PAM: variants seen among roughly 807,000 people sequenced by gnomAD.
PAM encodes the protein peptidyl-glycine alpha-amidating monooxygenase.
In PAM, 72 loss-of-function variants were observed where a neutral mutation model predicts 122.1. That is an observed-to-expected ratio of 0.59 (90% CI 0.49 to 0.72). The LOEUF is 0.72. Ranked by LOEUF, PAM falls within the 30% of genes least tolerant of loss-of-function variation. The probability of loss-of-function intolerance (pLI) is 0.00; values close to 1 mark genes in which losing one functional copy is unlikely to be tolerated. For missense variants in PAM, 1,106 were observed against 1,183.7 expected, an observed-to-expected ratio of 0.93 and a Z score of 0.96; for synonymous variants, 389 against 404.4, an observed-to-expected ratio of 0.96 and a Z score of 0.46.
intron 8 of PAM, among the ~76,000 whole-genome samples, chr5:102,947,262 A>AT (rs1757357147): frequency 6.6e-6 from 1 of 152,174 alleles, no homozygotes. Flanking sequence ...AGCTCATGAT[A>AT]TGGCACCTGG....
intron 15 of PAM, among the ~76,000 whole-genome samples, chr5:102,979,422 G>A (rs539703305): frequency 6.6e-6 from 1 of 152,156 alleles, no homozygotes; most frequent in South Asian, 2.1e-4. Context: ...TGGCATTTCT[G>A]ATGAATAACA....
intron 21 of PAM, among the ~76,000 whole-genome samples, chr5:103,016,228 T>C (rs1781946070): frequency 6.6e-6 from 1 of 152,212 alleles, no homozygotes; most frequent in Non-Finnish European, 1.5e-5. Flanking sequence ...TGTGATAAAC[T>C]TGATGATTTC....
At chr5:102,779,880 CATATACATATATATATATATAT>C (rs1488301348) in intron 1 of PAM, among the ~76,000 whole-genome samples, 5 of 69,312 alleles carry the variant, frequency 7.2e-5, no homozygotes, top group African/African-American at 3.6e-4. Context: ...AATAAACTCC[CATATACATATATATATATATAT>C]ATATATATAT....
intron 1 of PAM, among the ~76,000 whole-genome samples, chr5:102,782,932 C>G (rs1459919825): frequency 1.3e-5 from 2 of 151,504 alleles, no homozygotes; most frequent in Non-Finnish European, 2.9e-5. Context: ...AATGGCCTTT[C>G]ATTTTCAAGT....
chr5:102,823,650 A>G (rs1463020515), intron 1 of PAM, among the ~76,000 whole-genome samples: 6 of 152,206 alleles, frequency 3.9e-5, no homozygotes, highest in Admixed American at 3.3e-4. Context: ...AGAGTTATGG[A>G]CCTTCTTTTA....
chr5:102,882,032 T>G (rs988128551), intron 3 of PAM, among the ~76,000 whole-genome samples: 1 of 131,740 alleles, frequency 7.6e-6, no homozygotes, highest in Non-Finnish European at 1.6e-5. Context: ...TTTTTGTGGC[T>G]GAGTAGTATT....
intron 3 of PAM, among the ~76,000 whole-genome samples, chr5:102,888,446 C>A (rs1379623788): frequency 1.3e-5 from 2 of 151,980 alleles, no homozygotes; most frequent in Non-Finnish European, 2.9e-5. Flanking sequence ...TAATTTAAAT[C>A]AAATTAATAT....
intron 1 of PAM, among the ~76,000 whole-genome samples, chr5:102,802,149 T>C (rs1206842578): frequency 6.6e-6 from 1 of 152,192 alleles, no homozygotes; most frequent in Non-Finnish European, 1.5e-5. Flanking sequence ...AACTAGCTTC[T>C]TTAGAAAAAG....
At chr5:103,005,291 G>A (rs1347719995) in intron 18 of PAM, 65 bp downstream of exon 18, 4 of 880,814 alleles carry the variant, frequency 4.5e-6, no homozygotes, top group Non-Finnish European at 7.7e-6. Context: ...AAGAGCTCTG[G>A]AGTTGTATGG....
chr5:102,897,973 G>A (rs1045649163), intron 3 of PAM, among the ~76,000 whole-genome samples: 17 of 151,428 alleles, frequency 1.1e-4, no homozygotes, highest in Non-Finnish European at 1.5e-4. Flanking sequence ...ATCTCTATTC[G>A]CAAACAACTA....
At chr5:102,893,946 G>A (rs542991811) in intron 3 of PAM, among the ~76,000 whole-genome samples, 8 of 151,492 alleles carry the variant, frequency 5.3e-5, no homozygotes, top group Non-Finnish European at 7.4e-5. Flanking sequence ...GGTTTTTGTC[G>A]CTGTTTTTAT....
intron 23 of PAM, among the ~76,000 whole-genome samples, chr5:103,022,536 T>C (rs1184288267): frequency 6.6e-6 from 1 of 152,198 alleles, no homozygotes; most frequent in East Asian, 1.9e-4. Flanking sequence ...AAAACTGTCA[T>C]ACATCAGCTT....
intron 1 of PAM, among the ~76,000 whole-genome samples, chr5:102,776,654 G>A (rs1371619504): frequency 6.6e-6 from 1 of 151,938 alleles, no homozygotes; most frequent in Non-Finnish European, 1.5e-5. Context: ...AAAAATTGTG[G>A]TAAAGAAACA....
At position 102,948,434 on chromosome 5, in the gene PAM, C is replaced by A. The variant is rs149429551; in HGVS notation, c.632C>A (p.Ala211Glu). The change falls in exon 9 of 26, where the codon GCA becomes GAA. Residue 211 changes from alanine (A) to glutamate (E), a missense_variant. Coordinates refer to ENST00000438793, the MANE Select transcript of PAM (RefSeq NM_001177306.2). ...ATGTCTGTTGACACTGTTATCCCAG[C>A]AGGAGAAAAAGGTGAGTAATGATTT... is the stretch of plus-strand genomic sequence containing the variant. ...LMMSVDTVIP[A>E]GEKVVNSDIS... 7.2e-5 allele frequency: 112 copies of A among 1,553,482 alleles called. No homozygotes were observed. The highest frequency in any genetic ancestry group is 9.4e-5 in the Non-Finnish European group (106 of 1,127,042).
chr5:102,877,523 G>T (rs891394404), intron 3 of PAM, among the ~76,000 whole-genome samples: 1 of 152,192 alleles, frequency 6.6e-6, no homozygotes, highest in African/African-American at 2.4e-5. Flanking sequence ...AGTTCAAGAG[G>T]TAGGGAGAGA....
rs1760707420 is a variant in PAM at position 102,786,943 on chromosome 5, C to CAGAT, written c.-374+31597_-374+31600dup. Among the ~76,000 whole-genome samples the CAGAT allele has an allele frequency of 6.6e-5, 10 of 152,162 alleles. No individual in the cohort carries two copies. The South Asian group carries it at 2.1e-3, about 32-fold the overall frequency. On this transcript the variant is annotated intron_variant, in intron 1 of 25. Transcript: ENST00000438793. ...TAATAATAATAATGATAAATCCCAG[C>CAGAT]AGATATATTTGACCCCTGTAATGAG...
chr5:102,949,846 T>C, intron 10 of PAM, 56 bp from the exon 11 acceptor site: 2 of 971,610 alleles, frequency 2.1e-6, no homozygotes, highest in Non-Finnish European at 3.2e-6. Flanking sequence ...TAAATATGCC[T>C]TTTGTTTTTC....
intron 23 of PAM, among the ~76,000 whole-genome samples, chr5:103,023,889 C>T (rs924349123): frequency 6.6e-6 from 1 of 152,126 alleles, no homozygotes; most frequent in African/African-American, 2.4e-5. Context: ...GAGTTGGAAC[C>T]TACCATCTGT....
At chr5:103,001,572 A>C (rs765956821) in intron 16 of PAM, among the ~76,000 whole-genome samples, 5 of 152,146 alleles carry the variant, frequency 3.3e-5, no homozygotes, top group Admixed American at 6.5e-5. Flanking sequence ...TTTTGTGTTC[A>C]ATTGAATGCA....
Sources: gnomAD v4.1 joint callset for allele counts (sites outside exome capture counted in the v4.1 genomes callset) on GRCh38, gnomAD v4.1.1 for gene constraint, MANE v1.5 for transcripts, NCBI Gene and HGNC (gene_info 2026-07-23, HGNC 2026-07-21) for gene names.